Variants in HECW2 observed in about 807,000 individuals in gnomAD.
HECW2 encodes the protein E3 ubiquitin-protein ligase HECW2.
HECW2 carries 61 observed loss-of-function variants against 175.2 expected under a neutral mutation model. That is an observed-to-expected ratio of 0.35 (90% CI 0.28 to 0.43). The LOEUF (loss-of-function observed/expected upper bound fraction) is 0.43. Ranked by LOEUF, HECW2 falls within the 20% of genes least tolerant of loss-of-function variation. The probability of loss-of-function intolerance (pLI) is 1.00; values close to 1 mark genes in which losing one functional copy is unlikely to be tolerated. For missense variants in HECW2, 1,524 were observed against 2,000.5 expected (o/e 0.76, Z 4.54); for synonymous variants, 671 against 731.0 (o/e 0.92, Z 1.32).
intron 2 of HECW2, among the ~76,000 whole-genome samples, chr2:196,427,024 G>T (rs187962530): frequency 3.0e-4 from 46 of 152,258 alleles, no homozygotes; most frequent in Middle Eastern, 3.4e-3. Flanking sequence ...CATAGACACT[G>T]AGAGGTCTAC....
rs143630260 is a variant in HECW2, at chr2:196,227,036, G to A, written c.3917+1066C>T. Among the ~76,000 whole-genome samples the A allele has an allele frequency of 2.0e-4, 31 of 152,288 alleles. No individual in the cohort carries two copies. In the East Asian group the frequency reaches 4.8e-3, roughly 24 times the overall value. Reference sequence around the variant, plus strand: ...AAAGTATAAATCCATACTGAGATTCGTACAGTAAGTTTGTAATTTTAGTAT... The same window carrying A: ...AAAGTATAAATCCATACTGAGATTCATACAGTAAGTTTGTAATTTTAGTAT... On this transcript the variant is annotated intron_variant, in intron 22 of 28. Transcript: ENST00000644978.
At chr2:196,313,953 C>G (rs1465392539) in intron 10 of HECW2, among the ~76,000 whole-genome samples, 1 of 152,134 alleles carries the variant, frequency 6.6e-6, no homozygotes, top group African/African-American at 2.4e-5. Context: ...CCCAGCTACT[C>G]AGGAGGCCGA....
chr2:196,550,780 C>G (rs552633396), intron 1 of HECW2, among the ~76,000 whole-genome samples: 5 of 152,102 alleles, frequency 3.3e-5, no homozygotes, highest in Admixed American at 6.5e-5. Flanking sequence ...TAAGAATGTA[C>G]TATAATTTAT....
At chr2:196,253,499 T>C (rs1398468341) in intron 19 of HECW2, among the ~76,000 whole-genome samples, 7 of 152,248 alleles carry the variant, frequency 4.6e-5, no homozygotes, top group Non-Finnish European at 1.0e-4. Flanking sequence ...CTAATGCAAT[T>C]AATGAATTGC....
intron 21 of HECW2, among the ~76,000 whole-genome samples, chr2:196,234,865 T>G (rs557290642): frequency 6.6e-6 from 1 of 152,166 alleles, no homozygotes; most frequent in African/African-American, 2.4e-5. Flanking sequence ...CCACTGCCGA[T>G]CTCCCTTCCC....
In HECW2 at chr2:196,511,984, C is replaced by G. The variant is rs141868478; in HGVS notation, c.-35-78526G>C. On this transcript the variant is annotated intron_variant, in intron 1 of 28. Coordinates refer to ENST00000644978, the MANE Select transcript of HECW2 (RefSeq NM_001348768.2). ...GGTGTCCCTCACTGAGGTCTGCTCA[C>G]TGCATGTTCTGTGGAGCAGGAATGA... 2.7e-3 allele frequency among the ~76,000 whole-genome samples: 414 copies of G among 152,358 alleles called. 2 individuals carry two copies. The highest frequency in any genetic ancestry group is 9.2e-3 in the African/African-American group (383 of 41,586).
chr2:196,490,382 T>C (rs1418673075), intron 1 of HECW2, among the ~76,000 whole-genome samples: 1 of 152,232 alleles, frequency 6.6e-6, no homozygotes, highest in Non-Finnish European at 1.5e-5. Flanking sequence ...ACAGGAGATA[T>C]ATCTGTGCAC....
chr2:196,224,319 T>G (rs1194602350), intron 23 of HECW2, among the ~76,000 whole-genome samples: 1 of 152,056 alleles, frequency 6.6e-6, no homozygotes, highest in Non-Finnish European at 1.5e-5. Flanking sequence ...GTGGAGATAT[T>G]TGGTGGACTG....
intron 2 of HECW2, among the ~76,000 whole-genome samples, chr2:196,422,374 G>A (rs572845938): frequency 1.3e-5 from 2 of 152,246 alleles, no homozygotes; most frequent in Middle Eastern, 3.4e-3. Flanking sequence ...AGTGAAATGT[G>A]TGGCTTTGGT....
chr2:196,546,958 A>C (rs1689445635), intron 1 of HECW2, among the ~76,000 whole-genome samples: 2 of 152,324 alleles, frequency 1.3e-5, no homozygotes, highest in South Asian at 4.1e-4. Flanking sequence ...AAAGACACAG[A>C]AAGAAGCTGA....
chr2:196,363,273 A>T (rs1274823153), intron 2 of HECW2, among the ~76,000 whole-genome samples: 2 of 152,262 alleles, frequency 1.3e-5, no homozygotes, highest in Non-Finnish European at 1.5e-5. Context: ...ATGCTTTAAA[A>T]ATAGTATCAA....
intron 19 of HECW2, among the ~76,000 whole-genome samples, chr2:196,252,212 A>AATAATAATAATG (rs1161727780): frequency 2.1e-5 from 3 of 146,254 alleles, no homozygotes; most frequent in African/African-American, 4.9e-5. Context: ...TAATAATAAT[A>AATAATAATAATG]ATAAGGCTTC....
chr2:196,200,437 GATAC>G lies in HECW2; in HGVS notation c.*836_*839del, dbSNP rs1306548128. ...CATGGAACATGAAAATGGAATGAGTGATACATACAGCATGATAGGTAGGTTCTTA... is the reference window on the plus strand; with the variant it reads ...CATGGAACATGAAAATGGAATGAGTGATACAGCATGATAGGTAGGTTCTTA... On this transcript the variant is annotated 3_prime_UTR_variant, in exon 29 of 29. Coordinates refer to ENST00000644978, the MANE Select transcript of HECW2 (RefSeq NM_001348768.2). 1.3e-5 allele frequency: 2 copies of G among 152,526 alleles called. No homozygotes were observed. Among genetic ancestry groups the G allele is most frequent in the Non-Finnish European group, 2.9e-5 (2 of 68,012 alleles). 9.4% of individuals were successfully genotyped at this position (152,526 alleles called of 1,614,324 possible).
intron 2 of HECW2, among the ~76,000 whole-genome samples, chr2:196,354,154 G>A (rs572172556): frequency 2.0e-4 from 30 of 152,194 alleles, no homozygotes; most frequent in Non-Finnish European, 8.8e-5. Context: ...GGCCAGAGTG[G>A]GGCTAGGAGC....
intron 2 of HECW2, among the ~76,000 whole-genome samples, chr2:196,366,566 C>T (rs1342850485): frequency 1.3e-5 from 2 of 152,192 alleles, no homozygotes; most frequent in Admixed American, 1.3e-4. Flanking sequence ...CCTTCACCTA[C>T]TTCCACCACA....
intron 10 of HECW2, among the ~76,000 whole-genome samples, chr2:196,309,794 C>T (rs963151819): frequency 6.6e-6 from 1 of 152,088 alleles, no homozygotes; most frequent in African/African-American, 2.4e-5. Flanking sequence ...ACTAGACCAG[C>T]TAAAGGAAAC....
intron 1 of HECW2, among the ~76,000 whole-genome samples, chr2:196,529,627 A>C (rs1390958999): frequency 6.6e-6 from 1 of 152,214 alleles, no homozygotes; most frequent in African/African-American, 2.4e-5. Flanking sequence ...GAGTGTGCTC[A>C]TGTTCATCCA....
At chr2:196,345,637 GA>G (rs918946143) in intron 2 of HECW2, among the ~76,000 whole-genome samples, 3 of 151,148 alleles carry the variant, frequency 2.0e-5, no homozygotes, top group African/African-American at 4.8e-5. Context: ...TGCTACCTAG[GA>G]AAAAAAAATC....
At chr2:196,288,047 C>G (rs925238662) in intron 14 of HECW2, 2 of 150,758 alleles carry the variant, frequency 1.3e-5, no homozygotes, top group Middle Eastern at 3.5e-3. Flanking sequence ...ATGTGCACAA[C>G]GTGCAGGTTT....
Sources: allele counts gnomAD v4.1 joint callset (sites outside exome capture counted in the v4.1 genomes callset), GRCh38; gene constraint gnomAD v4.1.1; transcripts MANE v1.5; gene names NCBI Gene and HGNC (gene_info 2026-07-23, HGNC 2026-07-21).